The following NKAIN3 variants were observed in gnomAD, a reference collection of about 807,000 sequenced individuals.
NKAIN3 encodes the protein sodium/potassium transporting ATPase interacting 3.
A neutral mutation model predicts 30.2 loss-of-function variants in NKAIN3; 25 were observed. The ratio of observed to expected loss-of-function variants is 0.83; its 90% CI spans 0.60 to 1.16. NKAIN3 has a LOEUF of 1.16. Ranked by LOEUF, NKAIN3 falls within the 50% of genes most tolerant of loss-of-function variation. NKAIN3 has a pLI of 0.00. For synonymous variants in NKAIN3, 91 were observed against 89.6 expected, an observed-to-expected ratio of 1.02 and a Z score of -0.09; for missense variants, 225 against 254.1, an observed-to-expected ratio of 0.89 and a Z score of 0.78.
intron 1 of NKAIN3, among the ~76,000 whole-genome samples, chr8:62,552,680 C>G (rs1320873081): frequency 6.6e-6 from 1 of 152,138 alleles, no homozygotes; most frequent in Non-Finnish European, 1.5e-5. Flanking sequence ...AGTTGCCAGC[C>G]AGGTCTTAAC....
At position 62,423,705 on chromosome 8, in the gene NKAIN3, T is replaced by G. The variant is rs1804717768; in HGVS notation, c.55-155834T>G. 2.6e-5 allele frequency among the ~76,000 whole-genome samples: 4 copies of G among 152,150 alleles called. No homozygotes were observed. The South Asian group carries it at 8.3e-4, about 31-fold the overall frequency. The stretch of plus-strand genomic sequence containing the variant: ...TTTAAATACTTTTTCTCAATTCTCC[T>G]GAATCTACTTCAATCTGAAATTATC... On this transcript the variant is annotated intron_variant, in intron 1 of 6. Coordinates refer to ENST00000623646, the MANE Select transcript of NKAIN3 (RefSeq NM_001304533.3).
At chr8:62,960,837 C>T (rs553487895) in intron 6 of NKAIN3, among the ~76,000 whole-genome samples, 2 of 152,058 alleles carry the variant, frequency 1.3e-5, no homozygotes, top group African/African-American at 4.8e-5. Context: ...GCCTTGAGGG[C>T]AGTTACCCTT....
rs544656538 is a variant in NKAIN3, at chr8:62,559,621, A to G, written c.55-19918A>G. ...TGGTTTCTCTCAGGGTGGCATACAT[A>G]TAAGAGTCTTTCAGTGTTATTGTTT... is the stretch of plus-strand genomic sequence containing the variant. On this transcript the variant is annotated intron_variant, in intron 1 of 6. Coordinates refer to ENST00000623646, the MANE Select transcript of NKAIN3 (RefSeq NM_001304533.3). Among the ~76,000 whole-genome samples the G allele has an allele frequency of 3.9e-4, 60 of 152,162 alleles. 2 individuals carry two copies. In the South Asian group the frequency reaches 0.011, roughly 29 times the overall value.
intron 1 of NKAIN3, among the ~76,000 whole-genome samples, chr8:62,324,330 C>G (rs1815042600): frequency 6.6e-6 from 1 of 152,030 alleles, no homozygotes; most frequent in South Asian, 2.1e-4. Context: ...ATAGGCTCTG[C>G]AGGGTCCCTA....
At position 62,353,844 on chromosome 8, in the gene NKAIN3, A is replaced by G. The variant is rs1168292070; in HGVS notation, c.54+104717A>G. Among the ~76,000 whole-genome samples, 4 of 152,210 alleles carry G rather than the reference A, an allele frequency of 2.6e-5. No homozygotes were observed. The East Asian group carries it at 7.7e-4, about 29-fold the overall frequency. Reference sequence around the variant, plus strand: ...AACAGACACAAAGACAAAATTTATAATATAAAATAGATAAATTGATTTAAG... The same window carrying G: ...AACAGACACAAAGACAAAATTTATAGTATAAAATAGATAAATTGATTTAAG... On this transcript the variant is annotated intron_variant, in intron 1 of 6. Coordinates refer to ENST00000623646, the MANE Select transcript of NKAIN3 (RefSeq NM_001304533.3).
At chr8:62,836,684 G>C (rs944445681) in intron 4 of NKAIN3, among the ~76,000 whole-genome samples, 14 of 152,064 alleles carry the variant, frequency 9.2e-5, no homozygotes, top group African/African-American at 3.4e-4. Flanking sequence ...AGTCAGCCTG[G>C]CTGGAGCTGA....
At position 62,373,481 on chromosome 8, in the gene NKAIN3, T is replaced by G. The variant is rs184625912; in HGVS notation, c.54+124354T>G. ...CTCACTGAGAGAGGAGAGATTATAC[T>G]GATCTGTTTTGCTCTTATGCCTTAT... On this transcript the variant is annotated intron_variant, in intron 1 of 6. Transcript: ENST00000623646. 9.8e-4 allele frequency among the ~76,000 whole-genome samples: 149 copies of G among 152,326 alleles called. 4 individuals carry two copies. In the East Asian group the frequency reaches 0.024, roughly 24 times the overall value.
chr8:62,940,224 T>A (rs1822911859), intron 5 of NKAIN3, among the ~76,000 whole-genome samples: 1 of 151,010 alleles, frequency 6.6e-6, no homozygotes, highest in Non-Finnish European at 1.5e-5. Flanking sequence ...ATTACAATCC[T>A]AAATATATAT....
intron 1 of NKAIN3, among the ~76,000 whole-genome samples, chr8:62,422,735 A>G (rs1804682685): frequency 6.6e-6 from 1 of 152,118 alleles, no homozygotes; most frequent in African/African-American, 2.4e-5. Context: ...TCCATCTCTG[A>G]CTTATTTTCC....
intron 1 of NKAIN3, among the ~76,000 whole-genome samples, chr8:62,519,041 A>AAT (rs1215695522): frequency 2.6e-5 from 4 of 152,156 alleles, no homozygotes; most frequent in Admixed American, 1.3e-4. Context: ...AATGCTCCAA[A>AAT]ATATTTCATG....
intron 1 of NKAIN3, among the ~76,000 whole-genome samples, chr8:62,382,697 A>G (rs371530166): frequency 1.8e-3 from 273 of 152,006 alleles, no homozygotes; most frequent in African/African-American, 6.3e-3. Context: ...CTTCTTCCTC[A>G]TTTTCTGGCA....
chr8:62,737,177 G>A (rs1815701046), intron 3 of NKAIN3, among the ~76,000 whole-genome samples: 1 of 152,162 alleles, frequency 6.6e-6, no homozygotes, highest in Non-Finnish European at 1.5e-5. Flanking sequence ...AAAAGTTCAT[G>A]ATGTGAGCTC....
chr8:62,452,975 G>T (rs186330551), intron 1 of NKAIN3, among the ~76,000 whole-genome samples: 1 of 152,118 alleles, frequency 6.6e-6, no homozygotes, highest in Admixed American at 6.5e-5. Flanking sequence ...CCCAAATTAA[G>T]TTTGGGTAAA....
At chr8:62,346,883 C>G (rs139878377) in intron 1 of NKAIN3, among the ~76,000 whole-genome samples, 1 of 152,046 alleles carries the variant, frequency 6.6e-6, no homozygotes, top group Non-Finnish European at 1.5e-5. Flanking sequence ...GTAGCCTACT[C>G]GAGGAGCAAA....
intron 1 of NKAIN3, among the ~76,000 whole-genome samples, chr8:62,373,313 C>A (rs1276586949): frequency 6.6e-6 from 1 of 152,092 alleles, no homozygotes; most frequent in Non-Finnish European, 1.5e-5. Flanking sequence ...ATCTTCCTGG[C>A]CAGGTTTACT....
At chr8:62,711,594 GT>G (rs34993422) in intron 3 of NKAIN3, among the ~76,000 whole-genome samples, 130,349 of 152,068 alleles carry the variant, frequency 0.86, 56,031 homozygotes, top group Admixed American at 0.89. Context: ...ATTGTTTATT[GT>G]TTTTTTCTTT....
chr8:62,616,688 T>C (rs1194440220), intron 3 of NKAIN3, among the ~76,000 whole-genome samples: 1 of 152,104 alleles, frequency 6.6e-6, no homozygotes, highest in Non-Finnish European at 1.5e-5. Flanking sequence ...ATTCATTCGG[T>C]CTCCAGTCCC....
chr8:62,364,100 C>T (rs563670206), intron 1 of NKAIN3, among the ~76,000 whole-genome samples: 48 of 152,208 alleles, frequency 3.2e-4, no homozygotes, highest in African/African-American at 1.0e-3. Context: ...TTCTTTAAAG[C>T]CCATCAGAGT....
chr8:62,594,527 C>T (rs1810762136), intron 3 of NKAIN3, among the ~76,000 whole-genome samples: 1 of 152,062 alleles, frequency 6.6e-6, no homozygotes. Context: ...AAGCTATTTC[C>T]AGACATCCTC....
Sources: allele counts gnomAD v4.1 joint callset (sites outside exome capture counted in the v4.1 genomes callset), GRCh38; gene constraint gnomAD v4.1.1; transcripts MANE v1.5; gene names NCBI Gene and HGNC (gene_info 2026-07-23, HGNC 2026-07-21).